The following RDH12 variants were observed in gnomAD, a reference collection of about 807,000 sequenced individuals.
RDH12 encodes the protein all-trans and 9-cis retinol dehydrogenase.
A neutral mutation model predicts 34.0 loss-of-function variants in RDH12; 21 were observed. That is an observed-to-expected ratio of 0.62 (90% CI 0.44 to 0.89). RDH12 has a LOEUF of 0.89. Among genes scored for constraint, RDH12 ranks in the 40% least tolerant of loss-of-function variants. The pLI is 0.00. For synonymous variants in RDH12, 198 were observed against 169.9 expected (o/e 1.17, Z -1.29); for missense variants, 394 against 398.6 (o/e 0.99, Z 0.10).
rs140325995 is a variant in RDH12, at chr14:67,710,969, T to A, written c.-275+9034T>A. Among the ~76,000 whole-genome samples the A allele has an allele frequency of 2.2e-3, 333 of 152,284 alleles. 2 individuals carry two copies. The highest frequency in any genetic ancestry group is 7.7e-3 in the South Asian group (37 of 4,826). On this transcript the variant is annotated intron_variant, in intron 1 of 8. Coordinates refer to ENST00000551171, the MANE Select transcript of RDH12 (RefSeq NM_152443.3). ...GGAACCACCATTGCAAAATTATAAC[T>A]GAGACAGTGAAAAAGATTTAACTTA...
rs1159954306 is a variant in RDH12, at chr14:67,722,297, A to G, written c.-219-127A>G. ...GAGGTGGCAGTGGTTGGGAGAACAC[A>G]TTTCCTAGAGAAGAGAAACAATTGA... On this transcript the variant is annotated intron_variant, in intron 2 of 8. Transcript: ENST00000551171. The G allele has an allele frequency of 7.5e-6, 3 of 400,184 alleles. No homozygotes were observed. In the East Asian group the frequency reaches 1.6e-4, roughly 21 times the overall value. The allele number at this position is 400,184 out of a possible 1,614,324, so 24.8% of individuals were successfully genotyped here. A position where few individuals can be genotyped will look rare whatever the true frequency, so the allele number is the denominator to read the frequency against.
intron 1 of RDH12, among the ~76,000 whole-genome samples, chr14:67,708,187 A>G (rs2037970052): frequency 6.6e-6 from 1 of 152,234 alleles, no homozygotes; most frequent in African/African-American, 2.4e-5. Flanking sequence ...AAAAGCTGTA[A>G]ATAGCTTAAA....
At chr14:67,730,321 A>G (rs1404139054) in intron 8 of RDH12, among the ~76,000 whole-genome samples, 3 of 152,174 alleles carry the variant, frequency 2.0e-5, no homozygotes, top group Non-Finnish European at 2.9e-5. Flanking sequence ...ACATGTTGCT[A>G]TTGAGCACTT....
chr14:67,723,352 G>C (rs2038147168), intron 3 of RDH12, among the ~76,000 whole-genome samples: 1 of 152,154 alleles, frequency 6.6e-6, no homozygotes, highest in Non-Finnish European at 1.5e-5. Context: ...TCCTGCCTCA[G>C]CCTCCCAAGT....
At chr14:67,726,296 G>T in intron 6 of RDH12, 141 bp downstream of exon 6, 1 of 708,208 alleles carries the variant, frequency 1.4e-6, no homozygotes, top group Non-Finnish European at 2.6e-6. Flanking sequence ...TTGGCTTGTT[G>T]TTCACTGTAC....
At chr14:67,707,414 A>G (rs2037962560) in intron 1 of RDH12, among the ~76,000 whole-genome samples, 1 of 151,984 alleles carries the variant, frequency 6.6e-6, no homozygotes, top group Admixed American at 6.6e-5. Context: ...AATTATTTGT[A>G]TACAGAGCAG....
At chr14:67,710,533 C>T (rs1165693083) in intron 1 of RDH12, among the ~76,000 whole-genome samples, 7 of 152,126 alleles carry the variant, frequency 4.6e-5, no homozygotes, top group Admixed American at 6.6e-5. Context: ...TACTCTAGGA[C>T]TAAATTTACC....
At chr14:67,720,303 C>A (rs1393206268) in intron 1 of RDH12, among the ~76,000 whole-genome samples, 1 of 152,134 alleles carries the variant, frequency 6.6e-6, no homozygotes, top group Non-Finnish European at 1.5e-5. Context: ...GTCTTCAAAG[C>A]CTGTTATGAA....
chr14:67,712,493 CA>C (rs79758974), intron 1 of RDH12, among the ~76,000 whole-genome samples: 999 of 38,632 alleles, frequency 0.026, 13 homozygotes, highest in East Asian at 0.067. Flanking sequence ...AAAAAACTTG[CA>C]AAAAAAAAAA....
In RDH12 at chr14:67,729,237, T is replaced by A. The variant is rs763150429; in HGVS notation, c.705T>A (p.Ser235=). ...TYAVHPGVVR[S]ELVRHSSLLC... ...CAGTGCACCCAGGCGTCGTCCGCTCTGAGCTGGTCCGGCACTCCTCCCTGC... is the reference window on the plus strand; with the variant it reads ...CAGTGCACCCAGGCGTCGTCCGCTCAGAGCTGGTCCGGCACTCCTCCCTGC... The change falls in exon 8 of 9, where the codon TCT becomes TCA. Residue 235 remains serine (S), a synonymous_variant. Transcript: ENST00000551171. 6 of 1,611,028 alleles carry A rather than the reference T, an allele frequency of 3.7e-6. No homozygotes were observed. The highest frequency in any genetic ancestry group is 2.2e-5 in the East Asian group (1 of 44,880).
intron 1 of RDH12, among the ~76,000 whole-genome samples, chr14:67,710,177 C>T (rs72723160): frequency 0.13 from 19,533 of 152,154 alleles, 1,312 homozygotes; most frequent in East Asian, 0.21. Flanking sequence ...GTTCCCTGAC[C>T]ACTTTGGGTA....
rs2038137475 is a variant in RDH12, at chr14:67,722,651, C to T, written c.9C>T (p.Val3=). 1 of 1,613,838 alleles carries T rather than the reference C, an allele frequency of 6.2e-7. No individual in the cohort carries two copies. The highest frequency in any genetic ancestry group is 1.3e-5 in the African/African-American group (1 of 75,044). Reference sequence around the variant, plus strand: ...CTACAGAAGTTGGAACGATGCTGGTCACCTTGGGACTGCTCACCTCCTTCT... The same window carrying T: ...CTACAGAAGTTGGAACGATGCTGGTTACCTTGGGACTGCTCACCTCCTTCT... ML[V]TLGLLTSFFS... Residue 3 remains valine, a synonymous_variant, in exon 3 of 9, where the codon GTC becomes GTT. Transcript: ENST00000551171.
intron 1 of RDH12, among the ~76,000 whole-genome samples, chr14:67,718,508 C>T (rs2038090910): frequency 6.6e-6 from 1 of 152,304 alleles, no homozygotes; most frequent in East Asian, 1.9e-4. Flanking sequence ...CCACACATCC[C>T]TGCCTCAGTG....
At chr14:67,703,794 G>A (rs2037924737) in intron 1 of RDH12, among the ~76,000 whole-genome samples, 1 of 152,062 alleles carries the variant, frequency 6.6e-6, no homozygotes, top group Non-Finnish European at 1.5e-5. Context: ...CCCAACTTCA[G>A]CCTCCCTAAT....
At chr14:67,729,813 G>A (rs1241135058) in intron 8 of RDH12, 3 of 486,858 alleles carry the variant, frequency 6.2e-6, no homozygotes, top group Admixed American at 2.2e-5. Flanking sequence ...GCCAAGATTG[G>A]CACTATCTGT....
chr14:67,706,954 G>C (rs1388134872), intron 1 of RDH12, among the ~76,000 whole-genome samples: 1 of 152,152 alleles, frequency 6.6e-6, no homozygotes, highest in Non-Finnish European at 1.5e-5. Flanking sequence ...GGGGGAGGAA[G>C]GGATACAAAC....
At chr14:67,710,485 G>A (rs745528093) in intron 1 of RDH12, among the ~76,000 whole-genome samples, 5 of 152,000 alleles carry the variant, frequency 3.3e-5, no homozygotes, top group Non-Finnish European at 7.4e-5. Flanking sequence ...AGTTTGTCTT[G>A]AACATCCCTC....
At chr14:67,705,736 T>A (rs913255657) in intron 1 of RDH12, among the ~76,000 whole-genome samples, 1 of 152,374 alleles carries the variant, frequency 6.6e-6, no homozygotes, top group African/African-American at 2.4e-5. Context: ...TTTTTTGTAT[T>A]ATTTTTGCAA....
intron 6 of RDH12, among the ~76,000 whole-genome samples, chr14:67,726,412 G>A (rs2038186275): frequency 6.6e-6 from 1 of 152,226 alleles, no homozygotes; most frequent in Non-Finnish European, 1.5e-5. Flanking sequence ...GGATGGGGCA[G>A]TGGCAGTACA....
Sources: allele counts gnomAD v4.1 joint callset (sites outside exome capture counted in the v4.1 genomes callset), GRCh38; gene constraint gnomAD v4.1.1; transcripts MANE v1.5; gene names NCBI Gene and HGNC (gene_info 2026-07-23, HGNC 2026-07-21).